CCBE1: variants seen among roughly 807,000 people sequenced by gnomAD.
CCBE1 encodes collagen and calcium-binding EGF domain-containing protein 1.
Under a neutral mutation model 50.0 loss-of-function variants are expected in CCBE1, and 37 were observed. That is an observed-to-expected ratio of 0.74 (90% CI 0.57 to 0.97). CCBE1 has a LOEUF of 0.97. CCBE1 is among the 50% of genes least tolerant of loss of function. The pLI is 0.00. For synonymous variants in CCBE1, 234 were observed against 203.7 expected (o/e 1.15, Z -1.27); for missense variants, 538 against 523.8 (o/e 1.03, Z -0.26).
At chr18:59,518,294 G>A (rs1416606648) in intron 2 of CCBE1, among the ~76,000 whole-genome samples, 1 of 152,166 alleles carries the variant, frequency 6.6e-6, no homozygotes. Context: ...TTCAAGACCA[G>A]CCTGGCCAAC....
At chr18:59,488,159 T>C (rs1912911428) in intron 2 of CCBE1, among the ~76,000 whole-genome samples, 1 of 152,150 alleles carries the variant, frequency 6.6e-6, no homozygotes, top group African/African-American at 2.4e-5. Flanking sequence ...AGACAGAAAG[T>C]GGAAGCGTGG....
At chr18:59,584,946 C>T (rs1421434050) in intron 2 of CCBE1, among the ~76,000 whole-genome samples, 1 of 152,126 alleles carries the variant, frequency 6.6e-6, no homozygotes, top group Non-Finnish European at 1.5e-5. Context: ...CTATGACTCT[C>T]CTGCTTGAGA....
chr18:59,458,307 T>C (rs1911300002), intron 5 of CCBE1, among the ~76,000 whole-genome samples: 1 of 152,250 alleles, frequency 6.6e-6, no homozygotes, highest in African/African-American at 2.4e-5. Context: ...TGTCAGGCAC[T>C]GAGAATGCAA....
chr18:59,656,518 A>G (rs1482396927), intron 2 of CCBE1, among the ~76,000 whole-genome samples: 2 of 152,224 alleles, frequency 1.3e-5, no homozygotes, highest in African/African-American at 4.8e-5. Context: ...CGCGGAGCCA[A>G]TGCTTTAAAT....
intron 2 of CCBE1, among the ~76,000 whole-genome samples, chr18:59,620,313 G>T (rs747884463): frequency 6.6e-6 from 1 of 152,156 alleles, no homozygotes; most frequent in African/African-American, 2.4e-5. Context: ...GACTTTCTAG[G>T]AGCATTTACC....
At chr18:59,525,356 T>C (rs1447180447) in intron 2 of CCBE1, among the ~76,000 whole-genome samples, 1 of 152,264 alleles carries the variant, frequency 6.6e-6, no homozygotes, top group Non-Finnish European at 1.5e-5. Context: ...CATATACTTG[T>C]TGGCCACATA....
At position 59,469,589 on chromosome 18, in the gene CCBE1, T is replaced by A. The variant is rs1568157059; in HGVS notation, c.284A>T (p.Glu95Val). 55 of 1,614,142 alleles carry A rather than the reference T, an allele frequency of 3.4e-5. No homozygotes were observed. Among genetic ancestry groups the A allele is most frequent in the Non-Finnish European group, 4.6e-5 (54 of 1,180,028 alleles). The change falls in exon 4 of 11, where the codon GAG becomes GTG. Residue 95 changes from glutamate to valine, a missense_variant. Transcript: ENST00000439986. The stretch of plus-strand genomic sequence containing the variant: ...CGTGCACTGCTGTTCACAGGGAGCC[T>A]CGGCACAAACGTCGTAATCTGAAAA... Reference protein sequence around the residue: ...CIPEDYDVCAEAPCEQQCTDN... With the variant: ...CIPEDYDVCAVAPCEQQCTDN...
At chr18:59,641,248 G>A (rs1249551511) in intron 2 of CCBE1, among the ~76,000 whole-genome samples, 2 of 152,090 alleles carry the variant, frequency 1.3e-5, no homozygotes, top group African/African-American at 2.4e-5. Context: ...AAAAAATGTG[G>A]TATACACACC....
chr18:59,652,832 C>G (rs560203534), intron 2 of CCBE1, among the ~76,000 whole-genome samples: 140 of 152,172 alleles, frequency 9.2e-4, no homozygotes, highest in African/African-American at 3.2e-3. Context: ...GGCGTGGCGG[C>G]GGGCGCCTGT....
intron 10 of CCBE1, 64 bp downstream of exon 10, chr18:59,438,047 G>T: frequency 6.5e-7 from 1 of 1,546,930 alleles, no homozygotes; most frequent in Non-Finnish European, 8.9e-7. Flanking sequence ...CAACCTATAG[G>T]CTCATCAGAG....
intron 2 of CCBE1, among the ~76,000 whole-genome samples, chr18:59,677,399 C>CA (rs1292083971): frequency 6.6e-6 from 1 of 152,098 alleles, no homozygotes; most frequent in African/African-American, 2.4e-5. Flanking sequence ...TAGAAATCAC[C>CA]ATCTCTACTT....
intron 2 of CCBE1, among the ~76,000 whole-genome samples, chr18:59,674,427 CAT>C (rs1466317322): frequency 2.6e-5 from 4 of 152,084 alleles, no homozygotes; most frequent in African/African-American, 9.6e-5. Flanking sequence ...AATGAGAACA[CAT>C]GGATACAGGG....
At chr18:59,637,856 C>T (rs2053934263) in intron 2 of CCBE1, among the ~76,000 whole-genome samples, 1 of 152,064 alleles carries the variant, frequency 6.6e-6, no homozygotes, top group South Asian at 2.1e-4. Flanking sequence ...AATCTTTTTA[C>T]AAAATAAAAA....
At chr18:59,497,689 T>C (rs1363040417) in intron 2 of CCBE1, among the ~76,000 whole-genome samples, 1 of 152,166 alleles carries the variant, frequency 6.6e-6, no homozygotes, top group Admixed American at 6.5e-5. Context: ...ACCACCCAGG[T>C]ACCCCTCAAA....
intron 4 of CCBE1, among the ~76,000 whole-genome samples, chr18:59,467,495 C>A (rs1911807478): frequency 6.6e-6 from 1 of 152,168 alleles, no homozygotes; most frequent in Admixed American, 6.5e-5. Context: ...CAGGAAATTT[C>A]TGCCTCATCA....
chr18:59,496,447 C>T (rs1335856391), intron 2 of CCBE1, among the ~76,000 whole-genome samples: 1 of 152,200 alleles, frequency 6.6e-6, no homozygotes, highest in African/African-American at 2.4e-5. Flanking sequence ...TCCAGTCTCT[C>T]ATTCTTCCTG....
intron 2 of CCBE1, among the ~76,000 whole-genome samples, chr18:59,497,213 G>A (rs992959780): frequency 3.9e-5 from 6 of 152,060 alleles, no homozygotes; most frequent in Admixed American, 2.0e-4. Flanking sequence ...TAATAGTTAC[G>A]ATGAAGCTCT....
chr18:59,625,107 G>T (rs1199319278), intron 2 of CCBE1, among the ~76,000 whole-genome samples: 1 of 152,152 alleles, frequency 6.6e-6, no homozygotes, highest in Non-Finnish European at 1.5e-5. Context: ...CTGCTATAAA[G>T]ACAAGGTAAG....
chr18:59,442,943 T>C (rs1910501532), intron 7 of CCBE1, among the ~76,000 whole-genome samples: 1 of 152,140 alleles, frequency 6.6e-6, no homozygotes, highest in Non-Finnish European at 1.5e-5. Context: ...CCCAGCTCCC[T>C]TCTATGTATC....
Sources: allele counts gnomAD v4.1 joint callset (sites outside exome capture counted in the v4.1 genomes callset), GRCh38; gene constraint gnomAD v4.1.1; transcripts MANE v1.5; gene names NCBI Gene and HGNC (gene_info 2026-07-23, HGNC 2026-07-21).